MYH11: variants seen among roughly 807,000 people sequenced by gnomAD.
MYH11 encodes myosin-11.
Under a neutral mutation model 246.6 loss-of-function variants are expected in MYH11, and 80 were observed. The observed-to-expected ratio is 0.32, with a 90% confidence interval of 0.27 to 0.39. The LOEUF is 0.39. Among genes scored for constraint, MYH11 ranks in the 10% least tolerant of loss-of-function variants. The pLI is 1.00. For missense variants in MYH11, 2,158 were observed against 2,546.8 expected (o/e 0.85, Z 3.29); for synonymous variants, 1,071 against 1,015.5 (o/e 1.05, Z -1.04).
At chr16:15,718,670 C>T (rs187959159) in intron 36 of MYH11, 285 of 604,092 alleles carry the variant, frequency 4.7e-4, no homozygotes, top group Non-Finnish European at 7.2e-4. Flanking sequence ...CAGCACACTC[C>T]TCCCTGACTC....
intron 3 of MYH11, among the ~76,000 whole-genome samples, chr16:15,815,798 C>A (rs968754766): frequency 2.0e-5 from 3 of 152,008 alleles, no homozygotes; most frequent in African/African-American, 7.2e-5. Flanking sequence ...TGGTCATGTA[C>A]AAAGGATCAA....
In MYH11 at chr16:15,719,241, A is replaced by G. The variant is rs2040336060; in HGVS notation, c.5150T>C (p.Leu1717Pro). The change falls in exon 36 of 41, where the codon CTG becomes CCG. Residue 1717 changes from leucine (L) to proline (P), a missense_variant. Transcript: ENST00000300036. The stretch of plus-strand genomic sequence containing the variant: ...CTACCTTCCCGACAGGCTACTGGCC[A>G]GCTCCTCTGCCAGTTCCTCCTTCTC... ...DLEKEELAEE[L>P]ASSLSGRNAL... is the part of the protein sequence containing the mutation. 1 of 1,613,692 alleles carries G rather than the reference A, an allele frequency of 6.2e-7. No individual in the cohort carries two copies.
At chr16:15,767,249 GA>G (rs1336390484) in intron 9 of MYH11, among the ~76,000 whole-genome samples, 4 of 152,082 alleles carry the variant, frequency 2.6e-5, no homozygotes, top group African/African-American at 9.7e-5. Context: ...ATAGAGGATA[GA>G]GACTCTACAT....
In MYH11 at chr16:15,705,053, C is replaced by T. The variant is rs561492585; in HGVS notation, c.5787-930G>A. Among the ~76,000 whole-genome samples, 4 of 152,322 alleles carry T rather than the reference C, an allele frequency of 2.6e-5. No homozygotes were observed. In the East Asian group the frequency reaches 7.7e-4, roughly 29 times the overall value. On this transcript the variant is annotated intron_variant, in intron 40 of 40. Transcript: ENST00000300036. Reference sequence around the variant, plus strand: ...GGAGTGCAGTGGCATGATCTTGGCTCACTGCAACCTCTGCCTCCTGAGTTC... The same window carrying T: ...GGAGTGCAGTGGCATGATCTTGGCTTACTGCAACCTCTGCCTCCTGAGTTC...
rs1050318901 is a variant in MYH11, at chr16:15,839,695, A to G, written c.-17-1426T>C. On this transcript the variant is annotated intron_variant, in intron 1 of 40. Transcript: ENST00000300036. ...GGCGACAGAGCGAGACTCTGTCTCGAAAAAAAAAAAAAGTAATGGCAAAAT... is the reference window on the plus strand; with the variant it reads ...GGCGACAGAGCGAGACTCTGTCTCGGAAAAAAAAAAAAGTAATGGCAAAAT... Among the ~76,000 whole-genome samples, 6 of 143,534 alleles carry G rather than the reference A, an allele frequency of 4.2e-5. No individual in the cohort carries two copies. In the East Asian group the frequency reaches 6.0e-4, roughly 14 times the overall value. The allele number at this position is 143,534 out of a possible 152,430, so 94.2% of individuals were successfully genotyped here. A position where few individuals can be genotyped will look rare whatever the true frequency, so the allele number is the denominator to read the frequency against.
In MYH11 at chr16:15,782,314, A is replaced by C. The variant is rs2042374127; in HGVS notation, c.726+71T>G. 4 of 1,372,642 alleles carry C rather than the reference A, an allele frequency of 2.9e-6. No homozygotes were observed. In the South Asian group the frequency reaches 3.5e-5, roughly 12 times the overall value. The allele number at this position is 1,372,642 out of a possible 1,614,324, so 85.0% of individuals were successfully genotyped here. A position where few individuals can be genotyped will look rare whatever the true frequency, so the allele number is the denominator to read the frequency against. On this transcript the variant is annotated intron_variant, in intron 6 of 40. Transcript: ENST00000300036. ...ATGCCCCTCCCACCTCTGCACGCAA[A>C]CACTCTGCAGCCCCAGGCAGGAGAT...
At chr16:15,784,780 G>C in intron 5 of MYH11, 1 of 1,589,628 alleles carries the variant, frequency 6.3e-7, no homozygotes. Flanking sequence ...ATGGACATCA[G>C]GGGCTGGAGA....
intron 28 of MYH11, chr16:15,726,238 C>T (rs1379622634): frequency 6.5e-6 from 1 of 154,472 alleles, no homozygotes; most frequent in Non-Finnish European, 1.4e-5. Context: ...CCTTACTCGG[C>T]TGGAGTCCTA....
chr16:15,746,024 C>G (rs2041409661), intron 19 of MYH11, among the ~76,000 whole-genome samples: 1 of 152,112 alleles, frequency 6.6e-6, no homozygotes. Flanking sequence ...TTAAATGATC[C>G]TCCTGCCTCA....
chr16:15,807,132 T>C (rs1231210454), intron 3 of MYH11, among the ~76,000 whole-genome samples: 1 of 151,224 alleles, frequency 6.6e-6, no homozygotes, highest in African/African-American at 2.4e-5. Flanking sequence ...TGGCTAATGG[T>C]TTTTTTGTTT....
In MYH11 at chr16:15,721,464, T is replaced by C. The variant is rs771367057; in HGVS notation, c.4536A>G (p.Glu1512=). The C allele has an allele frequency of 1.7e-5, 27 of 1,614,048 alleles. No homozygotes were observed. Among genetic ancestry groups the C allele is most frequent in the Non-Finnish European group, 2.2e-5 (26 of 1,180,048 alleles). ...LERTNKMLKA[E]MEDLVSSKDD... Reference sequence around the variant, plus strand: ...CCTTGGAGCTGACCAGGTCTTCCATTTCGGCTTTGAGCATTTTGTTGGTCC... The same window carrying C: ...CCTTGGAGCTGACCAGGTCTTCCATCTCGGCTTTGAGCATTTTGTTGGTCC... Residue 1512 remains glutamate (E), a synonymous_variant, in exon 32 of 41, where the codon GAA becomes GAG. Transcript: ENST00000300036.
intron 4 of MYH11, among the ~76,000 whole-genome samples, chr16:15,788,075 A>ATTTTTTTTTTTTTTTTTTTTTTTT (rs1555569323): frequency 3.3e-4 from 14 of 42,702 alleles, no homozygotes; most frequent in South Asian, 1.0e-3. Flanking sequence ...ATGAAGGTAG[A>ATTTTTTTTTTTTTTTTTTTTTTTT]TCTTTTTTTT....
At position 15,801,921 on chromosome 16, in the gene MYH11, C is replaced by T. The variant is rs557513762; in HGVS notation, c.503-3234G>A. Among the ~76,000 whole-genome samples the T allele has an allele frequency of 8.5e-5, 13 of 152,240 alleles. No homozygotes were observed. In the South Asian group the frequency reaches 2.7e-3, roughly 32 times the overall value. On this transcript the variant is annotated intron_variant, in intron 3 of 40. Coordinates refer to ENST00000300036, the MANE Select transcript of MYH11 (RefSeq NM_002474.3). ...GCAGTGAGGTGAGATCATGCCACTA[C>T]ACTCCAGCCTGGGCAACAGAGCGAG...
chr16:15,813,831 A>C (rs2043193666), intron 3 of MYH11, among the ~76,000 whole-genome samples: 1 of 149,950 alleles, frequency 6.7e-6, no homozygotes. Flanking sequence ...CATTCTCCAC[A>C]CAAAAGAGGG....
chr16:15,836,719 CTTTTTTTTTT>C (rs780997939), intron 2 of MYH11, among the ~76,000 whole-genome samples: 5,874 of 95,118 alleles, frequency 0.062, 171 homozygotes, highest in Middle Eastern at 0.13. Flanking sequence ...TTTAATGTTT[CTTTTTTTTTT>C]TTTTTTTTTT....
chr16:15,846,929 G>A (rs997446617), intron 1 of MYH11, among the ~76,000 whole-genome samples: 1 of 152,090 alleles, frequency 6.6e-6, no homozygotes, highest in African/African-American at 2.4e-5. Flanking sequence ...ACTGCAGCCT[G>A]GGTGACAGAG....
At chr16:15,714,141 G>C (rs534484373) in intron 40 of MYH11, 3 of 152,858 alleles carry the variant, frequency 2.0e-5, no homozygotes, top group Admixed American at 2.0e-4. Context: ...AGGAAGCCCG[G>C]AGCTAAAACC....
chr16:15,738,156 C>G (rs1187602492), intron 24 of MYH11, among the ~76,000 whole-genome samples: 4 of 152,040 alleles, frequency 2.6e-5, no homozygotes, highest in Non-Finnish European at 4.4e-5. Flanking sequence ...TTAGTTGTCA[C>G]TCATGGGATG....
chr16:15,706,597 C>G (rs1035923537), intron 40 of MYH11, among the ~76,000 whole-genome samples: 1 of 152,006 alleles, frequency 6.6e-6, no homozygotes, highest in Non-Finnish European at 1.5e-5. Context: ...ATCCCAGTCA[C>G]TCAGGAGGCT....
Sources: gnomAD v4.1 joint callset for allele counts (sites outside exome capture counted in the v4.1 genomes callset) on GRCh38, gnomAD v4.1.1 for gene constraint, MANE v1.5 for transcripts, NCBI Gene and HGNC (gene_info 2026-07-23, HGNC 2026-07-21) for gene names.